Variants in GSE1 observed in about 807,000 individuals in gnomAD.
The protein encoded by GSE1 is genetic suppressor element 1.
Under a neutral mutation model 112.6 loss-of-function variants are expected in GSE1, and 32 were observed. That is an observed-to-expected ratio of 0.28 (90% CI 0.21 to 0.38). GSE1 has a LOEUF of 0.38. Among genes scored for constraint, GSE1 ranks in the 10% least tolerant of loss-of-function variants. The pLI is 1.00. For synonymous variants in GSE1, 1,115 were observed against 735.6 expected, an observed-to-expected ratio of 1.52 and a Z score of -8.35; for missense variants, 2,348 against 1,699.2, an observed-to-expected ratio of 1.38 and a Z score of -6.71.
At chr16:85,640,777 C>T (rs910804179) in intron 2 of GSE1, among the ~76,000 whole-genome samples, 28 of 152,262 alleles carry the variant, frequency 1.8e-4, no homozygotes, top group Non-Finnish European at 2.8e-4. Context: ...GCCTGGCAGG[C>T]GCGCCTCGCG....
chr16:85,347,790 C>CTG (rs35253429), intron 1 of GSE1, among the ~76,000 whole-genome samples: 1 of 151,962 alleles, frequency 6.6e-6, no homozygotes, highest in East Asian at 1.9e-4. Flanking sequence ...CAAAAGCCAT[C>CTG]TTTGCCACAA....
intron 8 of GSE1, among the ~76,000 whole-genome samples, chr16:85,660,242 G>A (rs1014389482): frequency 5.3e-5 from 8 of 152,220 alleles, no homozygotes; most frequent in Admixed American, 1.3e-4. Flanking sequence ...AAAATCGACC[G>A]AAACTGGATC....
At chr16:85,499,064 A>C (rs1049746839) in intron 2 of GSE1, among the ~76,000 whole-genome samples, 15 of 152,192 alleles carry the variant, frequency 9.9e-5, no homozygotes, top group Non-Finnish European at 5.9e-5. Flanking sequence ...AGTTGAGGCC[A>C]GATGGGAAGT....
intron 1 of GSE1, among the ~76,000 whole-genome samples, chr16:85,253,079 C>A (rs1013878406): frequency 1.7e-5 from 2 of 120,190 alleles, no homozygotes; most frequent in African/African-American, 6.2e-5. Context: ...ACCCCCCCCC[C>A]CCCACCAGCA....
chr16:85,402,337 G>GAGA (rs1187260699), intron 2 of GSE1, among the ~76,000 whole-genome samples: 4 of 152,216 alleles, frequency 2.6e-5, no homozygotes, highest in African/African-American at 9.6e-5. Context: ...TGTCTGGTTG[G>GAGA]AGAAGCTGCC....
chr16:85,645,207 T>G (rs2050754260), intron 2 of GSE1, among the ~76,000 whole-genome samples: 1 of 151,550 alleles, frequency 6.6e-6, no homozygotes, highest in African/African-American at 2.4e-5. Flanking sequence ...GGGTCTGGGG[T>G]TGGGTCACGC....
At chr16:85,587,324 G>A (rs1405373561) in intron 1 of GSE1, among the ~76,000 whole-genome samples, 1 of 152,240 alleles carries the variant, frequency 6.6e-6, no homozygotes, top group African/African-American at 2.4e-5. Flanking sequence ...GAAAATACAT[G>A]CAGTAAATTT....
At chr16:85,421,850 G>A (rs2048852396) in intron 2 of GSE1, among the ~76,000 whole-genome samples, 1 of 152,046 alleles carries the variant, frequency 6.6e-6, no homozygotes. Context: ...TGGCTTCCGG[G>A]GTGAGGGGCC....
At chr16:85,577,263 A>G (rs2151368688) in intron 1 of GSE1, among the ~76,000 whole-genome samples, 1 of 152,262 alleles carries the variant, frequency 6.6e-6, no homozygotes, top group African/African-American at 2.4e-5. Flanking sequence ...CAGAAAGTGG[A>G]GGTGCCCAGC....
chr16:85,295,456 C>T (rs2045340646), intron 1 of GSE1, among the ~76,000 whole-genome samples: 1 of 152,270 alleles, frequency 6.6e-6, no homozygotes, highest in African/African-American at 2.4e-5. Flanking sequence ...GTCCTTTTTG[C>T]CCATCCACCG....
At chr16:85,359,313 GC>G (rs2047016254) in intron 2 of GSE1, 1 of 448,294 alleles carries the variant, frequency 2.2e-6, no homozygotes, top group Non-Finnish European at 4.5e-6. Context: ...GAGGCAGCTT[GC>G]CTGGTTCTCA....
At chr16:85,450,693 C>A (rs1379696759) in intron 2 of GSE1, among the ~76,000 whole-genome samples, 2 of 151,940 alleles carry the variant, frequency 1.3e-5, no homozygotes, top group Non-Finnish European at 2.9e-5. Context: ...TTGTGATCCA[C>A]CCGCCTTGGC....
At chr16:85,563,189 CTTT>C (rs80212096) in intron 1 of GSE1, among the ~76,000 whole-genome samples, 1 of 140,436 alleles carries the variant, frequency 7.1e-6, no homozygotes. Flanking sequence ...CCTCCTCTTC[CTTT>C]TTTTTTTTTT....
chr16:85,580,901 C>G (rs997158996), intron 1 of GSE1, among the ~76,000 whole-genome samples: 1 of 152,250 alleles, frequency 6.6e-6, no homozygotes, highest in African/African-American at 2.4e-5. Context: ...TCTTGGCCTT[C>G]CAGCCTTAAG....
At chr16:85,506,646 G>T (rs747331845) in intron 2 of GSE1, among the ~76,000 whole-genome samples, 1 of 151,966 alleles carries the variant, frequency 6.6e-6, no homozygotes, top group Non-Finnish European at 1.5e-5. Flanking sequence ...ATGTAGAGGG[G>T]GTGTGATTTC....
At chr16:85,299,559 C>T (rs1442898235) in intron 1 of GSE1, among the ~76,000 whole-genome samples, 1 of 152,214 alleles carries the variant, frequency 6.6e-6, no homozygotes, top group Non-Finnish European at 1.5e-5. Flanking sequence ...GATTCAAGCC[C>T]AGCATGTCAC....
At chr16:85,336,603 AT>A (rs542928731) in intron 1 of GSE1, among the ~76,000 whole-genome samples, 12,318 of 144,082 alleles carry the variant, frequency 0.085, 556 homozygotes, top group African/African-American at 0.11. Context: ...TGCCCTCACA[AT>A]TTTTTTTTTT....
At chr16:85,641,561 G>C (rs907200800) in intron 2 of GSE1, among the ~76,000 whole-genome samples, 1 of 152,282 alleles carries the variant, frequency 6.6e-6, no homozygotes, top group Non-Finnish European at 1.5e-5. Flanking sequence ...GAACGCAGGG[G>C]GTCGCGGCGT....
chr16:85,613,292 C>G (rs551030631), upstream of GSE1: 1 of 1,539,832 alleles, frequency 6.5e-7, no homozygotes, highest in East Asian at 2.6e-5. Flanking sequence ...CCCGAGCTGC[C>G]GCCGCCGAGC....
Sources: gnomAD v4.1 joint callset for allele counts (sites outside exome capture counted in the v4.1 genomes callset) on GRCh38, gnomAD v4.1.1 for gene constraint, MANE v1.5 for transcripts, NCBI Gene and HGNC (gene_info 2026-07-23, HGNC 2026-07-21) for gene names.